Variants in ADORA2B observed in about 807,000 individuals in gnomAD.
ADORA2B encodes the protein adenosine A2b receptor, also known as adenosine receptor A2b.
Under a neutral mutation model 20.8 loss-of-function variants are expected in ADORA2B, and 18 were observed. The ratio of observed to expected loss-of-function variants is 0.87; its 90% CI spans 0.60 to 1.29. The LOEUF (loss-of-function observed/expected upper bound fraction) is 1.29, where lower values mean the gene tolerates loss of function less well. Among genes scored for constraint, ADORA2B ranks in the 50% most tolerant of loss-of-function variants. The probability of loss-of-function intolerance (pLI) is 0.00; values close to 1 mark genes in which losing one functional copy is unlikely to be tolerated. For missense variants in ADORA2B, 441 were observed against 422.7 expected (o/e 1.04, Z -0.38); for synonymous variants, 179 against 178.3 (o/e 1.00, Z -0.03).
the ADORA2B span, among the ~76,000 whole-genome samples, chr17:15,901,013 G>T: frequency 1.3e-5 from 2 of 152,204 alleles, no homozygotes; most frequent in African/African-American, 4.8e-5. Flanking sequence ...TTTAGTCCAT[G>T]AAGGTTGTTG....
At chr17:15,899,312 C>A in the ADORA2B span, among the ~76,000 whole-genome samples, 1 of 152,068 alleles carries the variant, frequency 6.6e-6, no homozygotes, top group Non-Finnish European at 1.5e-5. Context: ...CAGTAGTAAT[C>A]CATAAATCTT....
chr17:15,873,803 A>T, the ADORA2B span, among the ~76,000 whole-genome samples: 3 of 152,158 alleles, frequency 2.0e-5, no homozygotes, highest in Non-Finnish European at 4.4e-5. Context: ...TGGTAATGTA[A>T]ATTAATACAA....
At chr17:15,948,955 C>G (rs778672269) in intron 1 of ADORA2B, among the ~76,000 whole-genome samples, 12 of 152,102 alleles carry the variant, frequency 7.9e-5, no homozygotes, top group African/African-American at 2.7e-4. Context: ...CGCCTGTAAT[C>G]CCAGCACTTT....
At chr17:15,909,894 C>A in the ADORA2B span, among the ~76,000 whole-genome samples, 11 of 152,292 alleles carry the variant, frequency 7.2e-5, no homozygotes, top group Non-Finnish European at 1.3e-4. Context: ...TACTGGTTAC[C>A]CTGAGTGGCA....
chr17:15,968,342 T>C (rs1328810942), intron 1 of ADORA2B, among the ~76,000 whole-genome samples: 2 of 152,182 alleles, frequency 1.3e-5, no homozygotes, highest in African/African-American at 4.8e-5. Context: ...TGTGAGGACT[T>C]TGGCATACAT....
At chr17:15,928,452 G>A in the ADORA2B span, among the ~76,000 whole-genome samples, 41 of 152,214 alleles carry the variant, frequency 2.7e-4, no homozygotes, top group African/African-American at 8.9e-4. Flanking sequence ...CACACATGGA[G>A]CAGGGAGGCT....
chr17:15,929,314 C>T, the ADORA2B span, among the ~76,000 whole-genome samples: 1 of 152,282 alleles, frequency 6.6e-6, no homozygotes, highest in South Asian at 2.1e-4. Flanking sequence ...CAGACTAAAA[C>T]AGGAAAGAGC....
the ADORA2B span, among the ~76,000 whole-genome samples, chr17:15,857,292 G>C: frequency 6.6e-6 from 1 of 152,206 alleles, no homozygotes; most frequent in Non-Finnish European, 1.5e-5. Context: ...TGGATGACCA[G>C]GCAGAAATCT....
At chr17:15,956,695 A>G (rs1969970867) in intron 1 of ADORA2B, among the ~76,000 whole-genome samples, 1 of 148,806 alleles carries the variant, frequency 6.7e-6, no homozygotes, top group Admixed American at 6.8e-5. Flanking sequence ...TCCTGGGTTC[A>G]AGCGATTCTC....
chr17:15,961,724 C>G (rs1253919332), intron 1 of ADORA2B, among the ~76,000 whole-genome samples: 1 of 152,174 alleles, frequency 6.6e-6, no homozygotes, highest in Non-Finnish European at 1.5e-5. Flanking sequence ...TGCATCATCC[C>G]ATGGCAGAAA....
the ADORA2B span, among the ~76,000 whole-genome samples, chr17:15,875,587 C>G: frequency 6.6e-6 from 1 of 152,122 alleles, no homozygotes; most frequent in Non-Finnish European, 1.5e-5. Context: ...ACTTAGTTTT[C>G]TTTTGCTTTT....
the ADORA2B span, among the ~76,000 whole-genome samples, chr17:15,851,702 C>T: frequency 1.3e-5 from 2 of 152,314 alleles, no homozygotes; most frequent in East Asian, 3.9e-4. Flanking sequence ...CTTAGCTTTC[C>T]AGTCTCATAT....
At chr17:15,965,442 G>A (rs778013102) in intron 1 of ADORA2B, among the ~76,000 whole-genome samples, 31 of 152,198 alleles carry the variant, frequency 2.0e-4, no homozygotes, top group South Asian at 4.1e-4. Flanking sequence ...GTAGGTACAC[G>A]GGAGAGGTGC....
intron 1 of ADORA2B, among the ~76,000 whole-genome samples, chr17:15,961,646 A>G (rs985334625): frequency 6.6e-6 from 1 of 152,222 alleles, no homozygotes; most frequent in Non-Finnish European, 1.5e-5. Flanking sequence ...AAACAAATAC[A>G]TTCTCACAGT....
chr17:15,969,819 A>C (rs912959732), intron 1 of ADORA2B, among the ~76,000 whole-genome samples: 11 of 152,138 alleles, frequency 7.2e-5, no homozygotes, highest in African/African-American at 2.4e-4. Context: ...CAGTCTCCGT[A>C]CTCTGGCCAG....
intron 1 of ADORA2B, among the ~76,000 whole-genome samples, chr17:15,960,092 G>C (rs1425995333): frequency 2.6e-5 from 4 of 151,880 alleles, no homozygotes; most frequent in Non-Finnish European, 5.9e-5. Flanking sequence ...ACACAGCGAG[G>C]CCCCATCTCT....
At position 15,945,153 on chromosome 17, in the gene ADORA2B, T is replaced by G. The variant is rs985940225; in HGVS notation, c.-96T>G. 13 of 1,105,328 alleles carry G rather than the reference T, an allele frequency of 1.2e-5. No homozygotes were observed. The highest frequency in any genetic ancestry group is 4.2e-5 in the Admixed American group (1 of 23,650). The allele number at this position is 1,105,328 out of a possible 1,614,324, so 68.5% of individuals were successfully genotyped here. On this transcript the variant is annotated 5_prime_UTR_variant, in exon 1 of 2. Transcript: ENST00000304222. The stretch of plus-strand genomic sequence containing the variant: ...TCAGAAGCGGCAGGCGGAGGCGCGG[T>G]CCGGGCGCTATGGCCATGCCCGGCG...
At chr17:15,928,029 T>G in the ADORA2B span, among the ~76,000 whole-genome samples, 1 of 151,994 alleles carries the variant, frequency 6.6e-6, no homozygotes, top group Non-Finnish European at 1.5e-5. Context: ...ACGGTGGTCT[T>G]GATCTCCTGA....
the ADORA2B span, among the ~76,000 whole-genome samples, chr17:15,929,730 C>G: frequency 6.6e-6 from 1 of 152,136 alleles, no homozygotes; most frequent in Non-Finnish European, 1.5e-5. Context: ...CCTGGATGAA[C>G]CTTGAGGACG....
Sources: gnomAD v4.1 joint callset for allele counts (sites outside exome capture counted in the v4.1 genomes callset) on GRCh38, gnomAD v4.1.1 for gene constraint, MANE v1.5 for transcripts, NCBI Gene and HGNC (gene_info 2026-07-23, HGNC 2026-07-21) for gene names.